The following RAPGEF2 variants were observed in gnomAD, a reference collection of about 807,000 sequenced individuals.
RAPGEF2 encodes Rap guanine nucleotide exchange factor 2.
Under a neutral mutation model 186.7 loss-of-function variants are expected in RAPGEF2, and 54 were observed. That is an observed-to-expected ratio of 0.29 (90% confidence interval 0.23 to 0.36). The LOEUF (loss-of-function observed/expected upper bound fraction) is 0.36, where lower values mean the gene tolerates loss of function less well. Among genes scored for constraint, RAPGEF2 ranks in the 10% least tolerant of loss-of-function variants. The pLI, the probability that RAPGEF2 is intolerant of heterozygous loss-of-function variation, is 1.00. For missense variants in RAPGEF2, 1,532 were observed against 2,045.0 expected (o/e 0.75, Z 4.84); for synonymous variants, 712 against 705.9 (o/e 1.01, Z -0.14).
At chr4:159,138,469 G>A (rs954041049) in intron 1 of RAPGEF2, among the ~76,000 whole-genome samples, 1 of 152,104 alleles carries the variant, frequency 6.6e-6, no homozygotes, top group South Asian at 2.1e-4. Flanking sequence ...CAGGTGTAGG[G>A]AGAGGTAAGA....
At position 159,353,975 on chromosome 4, in the gene RAPGEF2, C is replaced by T. The variant is rs61758817; in HGVS notation, c.4580C>T (p.Thr1527Met). The T allele has an allele frequency of 2.8e-4, 459 of 1,613,270 alleles. 5 individuals are homozygous for T. The highest frequency in any genetic ancestry group is 2.7e-4 in the Non-Finnish European group (321 of 1,179,884). The change falls in exon 28 of 30, where the codon ACG becomes ATG. Residue 1527 changes from threonine to methionine, a missense_variant. Physicochemically the swap from Thr to Met is moderately conservative, Grantham distance 81. Around this residue, in one of 4 missense-constraint regions of RAPGEF2, gnomAD observed 594 missense variants for 608.5 expected, o/e 0.98. Coordinates refer to ENST00000691494, the MANE Select transcript of RAPGEF2 (RefSeq NM_001394067.2). The surrounding 1 kb of genome is among the most constrained non-coding windows in gnomAD (Gnocchi z 4.3). ...AESSSLTSVT[T>M]EETKPVPMPA... ...AGCAGTAGCCTAACGTCTGTGACTA[C>T]GGAAGAAACCAAGCCTGTCCCCATG...
rs549735802 is a variant in RAPGEF2, at chr4:159,333,068, C to T, written c.2135+371C>T. 8.5e-5 allele frequency among the ~76,000 whole-genome samples: 13 copies of T among 152,164 alleles called. No individual in the cohort carries two copies. In the South Asian group the frequency reaches 2.1e-3, roughly 24 times the overall value. On this transcript the variant is annotated intron_variant, in intron 17 of 29. Coordinates refer to ENST00000691494, the MANE Select transcript of RAPGEF2 (RefSeq NM_001394067.2). ...GATCTCGGCTCACTGCAACCTGTGC[C>T]GCCCAGGTTCAAGTGATTCTCCTGC...
intron 4 of RAPGEF2, among the ~76,000 whole-genome samples, chr4:159,223,277 G>A (rs1052363214): frequency 3.3e-5 from 5 of 151,886 alleles, no homozygotes; most frequent in African/African-American, 7.2e-5. Context: ...TCTAGTGTTC[G>A]TGTATTTAGA....
At chr4:159,234,870 C>G (rs1227956092) in intron 4 of RAPGEF2, among the ~76,000 whole-genome samples, 2 of 152,164 alleles carry the variant, frequency 1.3e-5, no homozygotes, top group Non-Finnish European at 2.9e-5. Flanking sequence ...AGCGATTCTC[C>G]TACCTCAGCC....
chr4:159,243,459 A>G (rs1754254175), intron 6 of RAPGEF2, among the ~76,000 whole-genome samples: 1 of 151,976 alleles, frequency 6.6e-6, no homozygotes, highest in African/African-American at 2.4e-5. Flanking sequence ...TATTACCCCT[A>G]CGCCATATTT....
In RAPGEF2 at chr4:159,358,166, G is replaced by A. The variant is rs1262882851; in HGVS notation, c.*27G>A. On this transcript the variant is annotated 3_prime_UTR_variant, in exon 30 of 30. Coordinates refer to ENST00000691494, the MANE Select transcript of RAPGEF2 (RefSeq NM_001394067.2). ...GCACAGACTTTTCTGGAAGCAGAGC[G>A]AGCCACCTGAAAGGAGAGCACAAGA... 1.9e-6 allele frequency: 3 copies of A among 1,607,550 alleles called. No individual in the cohort carries two copies. Among genetic ancestry groups the A allele is most frequent in the South Asian group, 1.1e-5 (1 of 89,902 alleles).
At chr4:159,195,753 C>T (rs1462358720) in intron 3 of RAPGEF2, among the ~76,000 whole-genome samples, 1 of 152,118 alleles carries the variant, frequency 6.6e-6, no homozygotes, top group Admixed American at 6.6e-5. Flanking sequence ...CTGCCCCAAC[C>T]TGTTCTCCTA....
At chr4:159,190,268 T>C (rs1349023014) in intron 2 of RAPGEF2, among the ~76,000 whole-genome samples, 1 of 152,212 alleles carries the variant, frequency 6.6e-6, no homozygotes, top group Non-Finnish European at 1.5e-5. Flanking sequence ...TGAGATCATC[T>C]GACTTAGTGG....
intron 7 of RAPGEF2, among the ~76,000 whole-genome samples, chr4:159,245,523 C>T (rs1313152344): frequency 1.3e-5 from 2 of 151,956 alleles, no homozygotes; most frequent in Non-Finnish European, 2.9e-5. Flanking sequence ...AATAGTTTAC[C>T]TTGTCTCCAG....
intron 18 of RAPGEF2, among the ~76,000 whole-genome samples, chr4:159,338,755 AATAG>A (rs1014081210): frequency 3.7e-4 from 56 of 152,238 alleles, no homozygotes; most frequent in Non-Finnish European, 6.0e-4. Flanking sequence ...AATCATATCA[AATAG>A]ATAGAGTAAG....
intron 1 of RAPGEF2, among the ~76,000 whole-genome samples, chr4:159,169,031 T>C (rs1745622020): frequency 1.3e-5 from 2 of 152,228 alleles, no homozygotes; most frequent in South Asian, 2.1e-4. Flanking sequence ...CTGAGTTTCT[T>C]TGAGGACCAG....
At chr4:159,174,743 A>G (rs1049878832) in intron 1 of RAPGEF2, among the ~76,000 whole-genome samples, 2 of 145,956 alleles carry the variant, frequency 1.4e-5, no homozygotes. Flanking sequence ...TTCTTCATAC[A>G]TGTCTTTTCT....
chr4:159,243,746 A>G (rs1754283513), intron 6 of RAPGEF2, 28 bp from the exon 7 acceptor site: 1 of 1,266,386 alleles, frequency 7.9e-7, no homozygotes, highest in Non-Finnish European at 1.0e-6. Flanking sequence ...TTCCTCCTTT[A>G]TGGCACTCAT....
chr4:159,266,188 G>C (rs1342682798), intron 7 of RAPGEF2, among the ~76,000 whole-genome samples: 1 of 152,128 alleles, frequency 6.6e-6, no homozygotes, highest in Admixed American at 6.6e-5. Context: ...GTAAGAAAAG[G>C]GGTTGGGGGG....
At chr4:159,208,695 A>G (rs966534949) in intron 3 of RAPGEF2, among the ~76,000 whole-genome samples, 23 of 152,214 alleles carry the variant, frequency 1.5e-4, no homozygotes, top group Admixed American at 2.0e-4. Context: ...TTTTAATAGT[A>G]GCTGAGTTTA....
Position 159,352,685 on chromosome 4 carries a change from G to T in RAPGEF2, c.3866G>T (p.Gly1289Val). 1 of 1,609,270 alleles carries T rather than the reference G, an allele frequency of 6.2e-7. No homozygotes were observed. The highest frequency in any genetic ancestry group is 1.1e-5 in the South Asian group (1 of 90,974). ...TAATACGGTTGTATTTCTCATGCAGGCTATACTTTGGCTCCCAGTGGTACT... is the reference window on the plus strand; with the variant it reads ...TAATACGGTTGTATTTCTCATGCAGTCTATACTTTGGCTCCCAGTGGTACT... ...PTSPQSSPRK[G>V]YTLAPSGTVD... The change falls in exon 27 of 30, where the codon GGC (glycine) becomes GTC (valine). Residue 1289 changes from glycine (G) to valine (V), a missense_variant and splice_region_variant. Around this residue, in one of 4 missense-constraint regions of RAPGEF2, gnomAD observed 594 missense variants for 608.5 expected, o/e 0.98. Transcript: ENST00000691494.
At chr4:159,330,605 T>A in intron 13 of RAPGEF2, 107 bp downstream of exon 13, 1 of 780,024 alleles carries the variant, frequency 1.3e-6, no homozygotes, top group Non-Finnish European at 2.0e-6. Flanking sequence ...TGTAATGAAA[T>A]AGGAGAATGT....
chr4:159,238,778 C>A, intron 4 of RAPGEF2, 31 bp from the exon 5 acceptor site: 1 of 1,488,038 alleles, frequency 6.7e-7, no homozygotes, highest in South Asian at 1.3e-5. Flanking sequence ...CTGAGGTTCT[C>A]CTCATTGATT....
intron 18 of RAPGEF2, among the ~76,000 whole-genome samples, 159 bp from the exon 19 acceptor site, chr4:159,338,955 G>C (rs1480002968): frequency 2.0e-5 from 3 of 152,236 alleles, no homozygotes; most frequent in Non-Finnish European, 2.9e-5. Context: ...CAGCAAAACA[G>C]CATGTAGATT....
Sources: gnomAD v4.1 joint callset for allele counts (sites outside exome capture counted in the v4.1 genomes callset) on GRCh38, gnomAD v4.1.1 for gene constraint, gnomAD v4.1.1 regional missense constraint, Gnocchi (gnomAD v3.1) non-coding constraint, MANE v1.5 for transcripts, NCBI Gene and HGNC (gene_info 2026-07-23, HGNC 2026-07-21) for gene names.